Variants in SEMA3C observed in about 807,000 individuals in gnomAD.
SEMA3C encodes semaphorin-3C.
Under a neutral mutation model 89.4 loss-of-function variants are expected in SEMA3C, and 47 were observed. That is an observed-to-expected ratio of 0.53 (90% CI 0.42 to 0.67). The LOEUF (loss-of-function observed/expected upper bound fraction) is 0.67. Ranked by LOEUF, SEMA3C falls within the 30% of genes least tolerant of loss-of-function variation. The pLI is 0.00. For missense variants in SEMA3C, 839 were observed against 929.1 expected (o/e 0.90, Z 1.26); for synonymous variants, 310 against 320.2 (o/e 0.97, Z 0.34).
intron 11 of SEMA3C, among the ~76,000 whole-genome samples, chr7:80,790,358 A>T (rs536728810): frequency 6.6e-6 from 1 of 151,926 alleles, no homozygotes; most frequent in Admixed American, 6.6e-5. Context: ...GAAGGGGAGG[A>T]GAGAAGAAGA....
At position 80,832,069 on chromosome 7, in the gene SEMA3C, A is replaced by G. The variant is rs1252403141; in HGVS notation, c.104-3324T>C. ...TTCAGTTATTTTCATGGATGATTATATGGAATTCTGAGAGTAGATACACTC... is the reference window on the plus strand; with the variant it reads ...TTCAGTTATTTTCATGGATGATTATGTGGAATTCTGAGAGTAGATACACTC... On this transcript the variant is annotated intron_variant, in intron 2 of 17. Transcript: ENST00000265361. Among the ~76,000 whole-genome samples, 4 of 152,308 alleles carry G rather than the reference A, an allele frequency of 2.6e-5. No individual in the cohort carries two copies. In the East Asian group the frequency reaches 7.7e-4, roughly 29 times the overall value.
rs1272885715 is a variant in SEMA3C at position 80,789,289 on chromosome 7, T to G, written c.1354+17A>C. 1 of 1,600,776 alleles carries G rather than the reference T, an allele frequency of 6.2e-7. No homozygotes were observed. The highest frequency in any genetic ancestry group is 8.6e-7 in the Non-Finnish European group (1 of 1,169,462). On this transcript the variant is annotated intron_variant, in intron 12 of 17. Transcript: ENST00000265361. The stretch of plus-strand genomic sequence containing the variant: ...TTTTACTACACATTAAAGCATATCT[T>G]GGGCTCAAATATTTACCTGTTCCGA...
chr7:80,902,523 T>A (rs1791906041), intron 2 of SEMA3C, among the ~76,000 whole-genome samples: 1 of 152,206 alleles, frequency 6.6e-6, no homozygotes, highest in African/African-American at 2.4e-5. Flanking sequence ...AGAAAAATTA[T>A]GTTCCGGAAA....
At chr7:80,916,441 TA>T (rs1386652236) in intron 2 of SEMA3C, among the ~76,000 whole-genome samples, 1 of 152,172 alleles carries the variant, frequency 6.6e-6, no homozygotes, top group East Asian at 1.9e-4. Context: ...ACAGAAGAAT[TA>T]TTTTACAAAA....
intron 2 of SEMA3C, among the ~76,000 whole-genome samples, chr7:80,906,646 A>G (rs1792021973): frequency 6.6e-6 from 1 of 152,236 alleles, no homozygotes; most frequent in African/African-American, 2.4e-5. Context: ...TCTACATATA[A>G]TTATGCGTAT....
chr7:80,880,557 A>G (rs574277319), intron 2 of SEMA3C, among the ~76,000 whole-genome samples: 1 of 152,326 alleles, frequency 6.6e-6, no homozygotes, highest in South Asian at 2.1e-4. Flanking sequence ...CAAAATATCT[A>G]TGCCTGGGGG....
chr7:80,883,042 C>G (rs545693015), intron 2 of SEMA3C, among the ~76,000 whole-genome samples: 3 of 152,138 alleles, frequency 2.0e-5, no homozygotes, highest in Non-Finnish European at 4.4e-5. Flanking sequence ...TGAGGAAACA[C>G]GTTCTCTCTC....
At chr7:80,860,453 C>T (rs1790745233) in intron 2 of SEMA3C, among the ~76,000 whole-genome samples, 1 of 152,120 alleles carries the variant, frequency 6.6e-6, no homozygotes, top group Non-Finnish European at 1.5e-5. Flanking sequence ...TACAATAGAT[C>T]CAACTGCACC....
At chr7:80,761,041 TCAGA>T (rs1021669542) in intron 14 of SEMA3C, among the ~76,000 whole-genome samples, 2 of 152,114 alleles carry the variant, frequency 1.3e-5, no homozygotes, top group South Asian at 2.1e-4. Flanking sequence ...TAGGGACAAA[TCAGA>T]CAATTAATTT....
chr7:80,851,841 G>A (rs1046487240), intron 2 of SEMA3C, among the ~76,000 whole-genome samples: 19 of 152,126 alleles, frequency 1.2e-4, no homozygotes, highest in Middle Eastern at 3.4e-3. Flanking sequence ...AAATATACCT[G>A]CCTAAAATGT....
At chr7:80,822,508 G>A (rs1485622568) in intron 4 of SEMA3C, among the ~76,000 whole-genome samples, 1 of 152,048 alleles carries the variant, frequency 6.6e-6, no homozygotes, top group Admixed American at 6.6e-5. Context: ...ATAACTGTGT[G>A]ATGAAATCAG....
intron 16 of SEMA3C, among the ~76,000 whole-genome samples, chr7:80,749,386 CTG>C (rs1481576761): frequency 1.1e-4 from 17 of 152,138 alleles, no homozygotes; most frequent in Non-Finnish European, 2.2e-4. Flanking sequence ...CAAACTGAGG[CTG>C]TGAGTTATGA....
chr7:80,843,010 C>T (rs946726505), intron 2 of SEMA3C, among the ~76,000 whole-genome samples: 48 of 152,172 alleles, frequency 3.2e-4, no homozygotes, highest in African/African-American at 1.1e-3. Flanking sequence ...GTCCAAAAAT[C>T]AATTTAGCCT....
chr7:80,884,512 T>A (rs1489775098), intron 2 of SEMA3C, among the ~76,000 whole-genome samples: 1 of 152,212 alleles, frequency 6.6e-6, no homozygotes, highest in East Asian at 1.9e-4. Flanking sequence ...TTTTACAGAC[T>A]TCTGTATTGA....
chr7:80,859,607 C>T (rs917768518), intron 2 of SEMA3C, among the ~76,000 whole-genome samples: 7 of 152,172 alleles, frequency 4.6e-5, no homozygotes, highest in South Asian at 2.1e-4. Context: ...TTAAGTCAAA[C>T]GCAAAGTTTA....
chr7:80,757,506 C>G (rs905352161), intron 15 of SEMA3C, among the ~76,000 whole-genome samples: 3 of 152,302 alleles, frequency 2.0e-5, no homozygotes, highest in African/African-American at 7.2e-5. Flanking sequence ...AAAGCATGGT[C>G]ATCAAGGTTT....
At chr7:80,822,426 A>AC (rs1554373687) in intron 4 of SEMA3C, among the ~76,000 whole-genome samples, 7 of 151,656 alleles carry the variant, frequency 4.6e-5, no homozygotes, top group Admixed American at 2.0e-4. Context: ...TAAAAAAAAA[A>AC]CAGCATGAAC....
At chr7:80,862,179 T>C (rs939361439) in intron 2 of SEMA3C, among the ~76,000 whole-genome samples, 3 of 152,098 alleles carry the variant, frequency 2.0e-5, no homozygotes, top group Admixed American at 1.3e-4. Context: ...GATAGGACCA[T>C]TTACCTTGAA....
In SEMA3C at chr7:80,751,344, T is replaced by G; in HGVS notation, c.1644-8A>C. The G allele has an allele frequency of 1.2e-6, 2 of 1,612,834 alleles. No individual in the cohort carries two copies. Among genetic ancestry groups the G allele is most frequent in the Non-Finnish European group, 1.7e-6 (2 of 1,178,858 alleles). ...TCTTGTCTTCGGCTCCTCCTGCAAGTGCAGAAATACATAAAAGTGACTGAG... is the reference window on the plus strand; with the variant it reads ...TCTTGTCTTCGGCTCCTCCTGCAAGGGCAGAAATACATAAAAGTGACTGAG... On this transcript the variant is annotated splice_polypyrimidine_tract_variant and splice_region_variant and intron_variant, in intron 15 of 17. Transcript: ENST00000265361.
Sources: allele counts gnomAD v4.1 joint callset (sites outside exome capture counted in the v4.1 genomes callset), GRCh38; gene constraint gnomAD v4.1.1; transcripts MANE v1.5; gene names NCBI Gene and HGNC (gene_info 2026-07-23, HGNC 2026-07-21).